The following TRIM8 variants were observed in gnomAD, a reference collection of about 807,000 sequenced individuals.
The protein encoded by TRIM8 is E3 ubiquitin-protein ligase TRIM8.
TRIM8 carries 9 observed loss-of-function variants against 55.7 expected under a neutral mutation model. The observed-to-expected ratio is 0.16, with a 90% CI of 0.10 to 0.28. The LOEUF (loss-of-function observed/expected upper bound fraction) is 0.28. Among genes scored for constraint, TRIM8 ranks in the 10% least tolerant of loss-of-function variants. TRIM8 has a pLI of 1.00. For synonymous variants in TRIM8, 335 were observed against 333.3 expected (o/e 1.01, Z -0.06); for missense variants, 556 against 736.4 (o/e 0.76, Z 2.83).
Position 102,644,479 on chromosome 10 carries a change from GA to G in TRIM8, c.-137del, listed in dbSNP as rs1366056738. The stretch of plus-strand genomic sequence containing the variant: ...CCCTCCTCCGGGGGGCGGGCACGCG[GA>G]AGGCGCTGCTGACTGAGCGACCGTC... On this transcript the variant is annotated 5_prime_UTR_variant, in exon 1 of 6. Coordinates refer to ENST00000643721, the MANE Select transcript of TRIM8 (RefSeq NM_030912.3). 5 of 720,170 alleles carry G rather than the reference GA, an allele frequency of 6.9e-6. No homozygotes were observed. Among genetic ancestry groups the G allele is most frequent in the Middle Eastern group, 4.3e-4 (1 of 2,344 alleles). 44.6% of individuals were successfully genotyped at this position (720,170 alleles called of 1,614,324 possible).
At chr10:102,645,576 A>C in intron 1 of TRIM8, 1 of 177,578 alleles carries the variant, frequency 5.6e-6, no homozygotes, top group Admixed American at 6.2e-5. Context: ...TGTTTATGTA[A>C]TGAGTGTCCC....
At chr10:102,652,369 G>A (rs976778076) in intron 1 of TRIM8, among the ~76,000 whole-genome samples, 2 of 152,184 alleles carry the variant, frequency 1.3e-5, no homozygotes, top group Non-Finnish European at 1.5e-5. Flanking sequence ...GGCTGGGATG[G>A]GAGTCATGGG....
At chr10:102,654,423 T>G in intron 1 of TRIM8, 2 of 442,474 alleles carry the variant, frequency 4.5e-6, no homozygotes, top group Non-Finnish European at 8.2e-6. Context: ...GGCAACAGAG[T>G]GAGAATCCAT....
intron 1 of TRIM8, among the ~76,000 whole-genome samples, chr10:102,646,074 T>C (rs1317638203): frequency 1.3e-5 from 2 of 152,104 alleles, no homozygotes; most frequent in Non-Finnish European, 2.9e-5. Context: ...TCCCCTCCCA[T>C]TGTATACACC....
chr10:102,645,233 A>C (rs753755204), intron 1 of TRIM8, 46 bp downstream of exon 1: 1 of 1,464,690 alleles, frequency 6.8e-7, no homozygotes, highest in Non-Finnish European at 9.0e-7. Flanking sequence ...ACACAGACAC[A>C]CAGTCCCTTC....
Position 102,658,102 on chromosome 10 carries a change from A to G in TRIM8, c.*748A>G, listed in dbSNP as rs1265543142. 1 of 152,094 alleles carries G rather than the reference A, an allele frequency of 6.6e-6. No individual in the cohort carries two copies. Among genetic ancestry groups the G allele is most frequent in the East Asian group, 1.9e-4 (1 of 5,194 alleles). 9.4% of individuals were successfully genotyped at this position (152,094 alleles called of 1,614,324 possible). On this transcript the variant is annotated 3_prime_UTR_variant, in exon 6 of 6. Coordinates refer to ENST00000643721, the MANE Select transcript of TRIM8 (RefSeq NM_030912.3). ...ATAATAAAGAGAAATAAAATAATAAAATAAAAAACAATAGCACAGCCCTTG... is the reference window on the plus strand; with the variant it reads ...ATAATAAAGAGAAATAAAATAATAAGATAAAAAACAATAGCACAGCCCTTG...
chr10:102,645,523 G>C (rs1183764766), intron 1 of TRIM8: 2 of 228,222 alleles, frequency 8.8e-6, no homozygotes, highest in Admixed American at 5.6e-5. Flanking sequence ...GGCCCTACGG[G>C]AAGTCACCGA....
Position 102,657,955 on chromosome 10 carries a change from T to G in TRIM8, c.*601T>G, listed in dbSNP as rs2064042766. The G allele has an allele frequency of 6.6e-6, 1 of 152,596 alleles. No homozygotes were observed. Among genetic ancestry groups the G allele is most frequent in the Non-Finnish European group, 1.5e-5 (1 of 68,052 alleles). 9.5% of individuals were successfully genotyped at this position (152,596 alleles called of 1,614,324 possible). On this transcript the variant is annotated 3_prime_UTR_variant, in exon 6 of 6. Transcript: ENST00000643721. ...TCAAAGGCCACTTCTCAAGCAGCTT[T>G]TGGCACCTTCAGCCTCAGAGTGGAA...
chr10:102,647,208 G>A (rs934329962), intron 1 of TRIM8, among the ~76,000 whole-genome samples: 2 of 152,140 alleles, frequency 1.3e-5, no homozygotes, highest in Admixed American at 6.5e-5. Context: ...GAACTTTGTC[G>A]GCAACTCCGC....
At chr10:102,647,956 G>A (rs569103668) in intron 1 of TRIM8, among the ~76,000 whole-genome samples, 13 of 152,278 alleles carry the variant, frequency 8.5e-5, no homozygotes, top group African/African-American at 3.1e-4. Context: ...CATCCATCCT[G>A]GGGAACTACA....
chr10:102,645,407 C>T lies in TRIM8; in HGVS notation c.570+220C>T, dbSNP rs1485487682. 5.3e-5 allele frequency: 27 copies of T among 508,850 alleles called. No individual in the cohort carries two copies. In the South Asian group the frequency reaches 7.2e-4, roughly 14 times the overall value. The allele number at this position is 508,850 out of a possible 1,614,324, so 31.5% of individuals were successfully genotyped here. ...TTCTCGCACCTGTGCGCACAGGGTC[C>T]GTCTTCTGAGTGCTTTATGGGATTG... On this transcript the variant is annotated intron_variant, in intron 1 of 5. Coordinates refer to ENST00000643721, the MANE Select transcript of TRIM8 (RefSeq NM_030912.3).
intron 3 of TRIM8, among the ~76,000 whole-genome samples, chr10:102,655,779 CAAA>C (rs1206305669): frequency 6.6e-6 from 1 of 152,072 alleles, no homozygotes; most frequent in African/African-American, 2.4e-5. Context: ...GTCTAAAATC[CAAA>C]AAATTCCAAA....
chr10:102,644,723 C>T lies in TRIM8; in HGVS notation c.106C>T (p.Arg36Trp). The change falls in exon 1 of 6, where the codon CGG (arginine) becomes TGG (tryptophan). Residue 36 changes from arginine (R) to tryptophan (W), a missense_variant. Transcript: ENST00000643721. The stretch of plus-strand genomic sequence containing the variant: ...GCTGCCGTGCAAACACAACTTCTGC[C>T]GGGGCTGCATCGGCGAGGCGTGGGC... ...VQLPCKHNFC[R>W]GCIGEAWAKD... 1.2e-6 allele frequency: 2 copies of T among 1,613,484 alleles called. No individual in the cohort carries two copies. The highest frequency in any genetic ancestry group is 1.1e-5 in the South Asian group (1 of 91,050).
intron 1 of TRIM8, among the ~76,000 whole-genome samples, chr10:102,652,638 G>A (rs946839029): frequency 4.6e-5 from 7 of 152,068 alleles, no homozygotes; most frequent in Admixed American, 4.6e-4. Context: ...TGTCTTGTAG[G>A]GAGATGAGAC....
chr10:102,651,858 C>T (rs1221088943), intron 1 of TRIM8, among the ~76,000 whole-genome samples: 1 of 152,248 alleles, frequency 6.6e-6, no homozygotes, highest in African/African-American at 2.4e-5. Flanking sequence ...GAGGTCCAGC[C>T]TTCCCTGTGA....
intron 1 of TRIM8, among the ~76,000 whole-genome samples, chr10:102,650,111 C>T (rs528983747): frequency 6.6e-6 from 1 of 152,248 alleles, no homozygotes; most frequent in African/African-American, 2.4e-5. Context: ...TCCCTGGGGC[C>T]CTGTTTCCTC....
Position 102,657,062 on chromosome 10 carries a change from C to T in TRIM8, c.1364C>T (p.Pro455Leu), listed in dbSNP as rs771106808. Residue 455 changes from proline (P) to leucine (L), a missense_variant, in exon 6 of 6, where the codon CCC becomes CTC. Physicochemically the swap from Pro to Leu is moderately conservative, Grantham distance 98. Transcript: ENST00000643721. ...CCCAATGGCTCCGCCGCCCAGCAGC[C>T]CATGCTCCCCCAGTATGGCGGCCGC... ...QYPNGSAAQQ[P>L]MLPQYGGRKI... The T allele has an allele frequency of 6.2e-7, 1 of 1,613,466 alleles. No individual in the cohort carries two copies. The highest frequency in any genetic ancestry group is 8.5e-7 in the Non-Finnish European group (1 of 1,179,990).
intron 1 of TRIM8, among the ~76,000 whole-genome samples, chr10:102,647,691 G>A (rs2063947203): frequency 6.6e-6 from 1 of 152,116 alleles, no homozygotes; most frequent in African/African-American, 2.4e-5. Context: ...TGTGGGCGAG[G>A]GCCACAGAAT....
chr10:102,646,733 A>G (rs1203910886), intron 1 of TRIM8, among the ~76,000 whole-genome samples: 1 of 152,150 alleles, frequency 6.6e-6, no homozygotes, highest in East Asian at 1.9e-4. Flanking sequence ...GCTGCTATTA[A>G]TAAAGATGGA....
Sources: allele counts gnomAD v4.1 joint callset (sites outside exome capture counted in the v4.1 genomes callset), GRCh38; gene constraint gnomAD v4.1.1; transcripts MANE v1.5; gene names NCBI Gene and HGNC (gene_info 2026-07-23, HGNC 2026-07-21).